The following NRXN3 variants were observed in gnomAD, a reference collection of about 807,000 sequenced individuals.
NRXN3 encodes neurexin III.
NRXN3 carries 32 observed loss-of-function variants against 137.6 expected under a neutral mutation model. The observed-to-expected ratio is 0.23, with a 90% CI of 0.18 to 0.31. The LOEUF (loss-of-function observed/expected upper bound fraction) is 0.31, where lower values mean the gene tolerates loss of function less well. NRXN3 is among the 10% of genes least tolerant of loss of function. The pLI is 1.00. For synonymous variants in NRXN3, 798 were observed against 784.5 expected (o/e 1.02, Z -0.29); for missense variants, 1,574 against 2,062.5 (o/e 0.76, Z 4.59).
chr14:78,728,265 T>C (rs2098496629), intron 8 of NRXN3, among the ~76,000 whole-genome samples: 1 of 152,228 alleles, frequency 6.6e-6, no homozygotes, highest in Non-Finnish European at 1.5e-5. Flanking sequence ...CGTCCCTTTA[T>C]TTATTGCAAA....
At position 79,469,688 on chromosome 14, in the gene NRXN3, T is replaced by G. The variant is rs375190103; in HGVS notation, c.3444+2286T>G. Among the ~76,000 whole-genome samples the G allele has an allele frequency of 1.9e-3, 290 of 152,274 alleles. 1 individual carries two copies. The highest frequency in any genetic ancestry group is 6.2e-3 in the African/African-American group (259 of 41,556). On this transcript the variant is annotated intron_variant, in intron 16 of 20. Transcript: ENST00000335750. ...TTCCTCCAAATCTTAGATTAGGAAA[T>G]GATGTCACCTGACCCTTTCAGAAAA...
At position 78,665,828 on chromosome 14, in the gene NRXN3, G is replaced by A. The variant is rs78123228; in HGVS notation, c.1221+14502G>A. ...GGTGGTGAGAGGAAAGAAATATCTA[G>A]GGCTGGATATGTTGCTTTTCTGAAA... On this transcript the variant is annotated intron_variant, in intron 6 of 20. Coordinates refer to ENST00000335750, the MANE Select transcript of NRXN3 (RefSeq NM_001330195.2). Among the ~76,000 whole-genome samples, 1,122 of 152,282 alleles carry A rather than the reference G, an allele frequency of 7.4e-3. 6 individuals are homozygous for A. The highest frequency in any genetic ancestry group is 0.011 in the Non-Finnish European group (719 of 68,016).
chr14:79,405,951 A>G (rs929753298), intron 15 of NRXN3, among the ~76,000 whole-genome samples: 7 of 152,208 alleles, frequency 4.6e-5, no homozygotes, highest in African/African-American at 1.7e-4. Flanking sequence ...CAGCCATTCA[A>G]CAAGTATTTA....
At chr14:79,800,773 C>A (rs951709658) in intron 19 of NRXN3, among the ~76,000 whole-genome samples, 3 of 152,164 alleles carry the variant, frequency 2.0e-5, no homozygotes, top group Non-Finnish European at 4.4e-5. Context: ...GCCAAAACAA[C>A]AACAACAACA....
At chr14:78,542,132 G>A (rs1475952669) in intron 4 of NRXN3, among the ~76,000 whole-genome samples, 1 of 152,192 alleles carries the variant, frequency 6.6e-6, no homozygotes, top group African/African-American at 2.4e-5. Flanking sequence ...GGGGGTCAGG[G>A]ACCAACTTGA....
intron 20 of NRXN3, among the ~76,000 whole-genome samples, chr14:79,817,250 A>T (rs186948212): frequency 1.4e-4 from 22 of 152,170 alleles, no homozygotes; most frequent in Admixed American, 5.9e-4. Flanking sequence ...ACGGGGTTTT[A>T]CCATGTTGGC....
intron 4 of NRXN3, among the ~76,000 whole-genome samples, chr14:78,448,223 A>G (rs190869471): frequency 6.1e-4 from 92 of 152,056 alleles, no homozygotes; most frequent in South Asian, 1.5e-3. Flanking sequence ...ACTTTCCTAA[A>G]TAGATTATAA....
chr14:79,009,535 A>G (rs1339808419), intron 15 of NRXN3, among the ~76,000 whole-genome samples: 1 of 152,014 alleles, frequency 6.6e-6, no homozygotes, highest in South Asian at 2.1e-4. Context: ...GTCTATAGGG[A>G]GGTGCTGTGG....
chr14:78,838,001 T>C (rs1338295243), intron 10 of NRXN3, among the ~76,000 whole-genome samples: 2 of 152,188 alleles, frequency 1.3e-5, no homozygotes, highest in African/African-American at 4.8e-5. Context: ...ATTTTACCTA[T>C]AAATGAGATA....
rs140997263 is a variant in NRXN3 at position 79,486,359 on chromosome 14, T to G, written c.3444+18957T>G. Among the ~76,000 whole-genome samples, 447 of 152,308 alleles carry G rather than the reference T, an allele frequency of 2.9e-3. 3 individuals are homozygous for G. The highest frequency in any genetic ancestry group is 0.01 in the African/African-American group (424 of 41,558). On this transcript the variant is annotated intron_variant, in intron 16 of 20. Transcript: ENST00000335750. Reference sequence around the variant, plus strand: ...TAGAATACACACATTGCTTATATTATCACACATACAGAAACATCAGGCATT... The same window carrying G: ...TAGAATACACACATTGCTTATATTAGCACACATACAGAAACATCAGGCATT...
At chr14:79,746,441 C>G (rs1446446049) in intron 19 of NRXN3, among the ~76,000 whole-genome samples, 1 of 152,038 alleles carries the variant, frequency 6.6e-6, no homozygotes, top group East Asian at 1.9e-4. Flanking sequence ...TCTCATCTAC[C>G]CATAACAAGT....
chr14:79,797,620 G>T (rs2099164861), intron 19 of NRXN3, among the ~76,000 whole-genome samples: 1 of 152,100 alleles, frequency 6.6e-6, no homozygotes, highest in Non-Finnish European at 1.5e-5. Flanking sequence ...CTATAAATGG[G>T]ATGTTTAATC....
chr14:78,660,531 G>T (rs187501462), intron 6 of NRXN3, among the ~76,000 whole-genome samples: 1 of 152,076 alleles, frequency 6.6e-6, no homozygotes, highest in Non-Finnish European at 1.5e-5. Flanking sequence ...TCTATATGTT[G>T]TAGGGAAACA....
At chr14:79,303,029 C>T (rs576444313) in intron 15 of NRXN3, among the ~76,000 whole-genome samples, 2 of 152,052 alleles carry the variant, frequency 1.3e-5, no homozygotes, top group South Asian at 4.2e-4. Context: ...CAAACCGTAT[C>T]AACAGGGAAC....
chr14:79,418,437 C>T (rs2574751), intron 15 of NRXN3, among the ~76,000 whole-genome samples: 9 of 152,022 alleles, frequency 5.9e-5, no homozygotes, highest in East Asian at 5.8e-4. Flanking sequence ...AATTTTAAGG[C>T]GTTAAAACCA....
rs187021151 is a variant in NRXN3 at position 78,205,454 on chromosome 14, C to T, written c.-704+34780C>T. On this transcript the variant is annotated intron_variant, in intron 1 of 20. Transcript: ENST00000335750. ...CTTGGATGTTGTTGAAGTACTTACA[C>T]TTTGCTTGGGTAGAGTTTGCATGAA... 1.1e-3 allele frequency among the ~76,000 whole-genome samples: 160 copies of T among 152,348 alleles called. 1 individual carries two copies. The highest frequency in any genetic ancestry group is 3.7e-3 in the African/African-American group (153 of 41,582).
chr14:78,473,569 G>A (rs1226572738), intron 4 of NRXN3, among the ~76,000 whole-genome samples: 1 of 152,160 alleles, frequency 6.6e-6, no homozygotes, highest in Non-Finnish European at 1.5e-5. Flanking sequence ...ATTAAACTAG[G>A]TGTATAAGCT....
chr14:78,963,172 T>TG (rs1404522944), intron 11 of NRXN3, among the ~76,000 whole-genome samples: 96 of 151,996 alleles, frequency 6.3e-4, no homozygotes, highest in Non-Finnish European at 8.8e-5. Context: ...AAACACTTTT[T>TG]TTTTTGCTAT....
At chr14:79,756,521 G>T (rs538784006) in intron 19 of NRXN3, among the ~76,000 whole-genome samples, 152 of 152,154 alleles carry the variant, frequency 1.0e-3, no homozygotes, top group African/African-American at 3.5e-3. Context: ...TGAAAAATGT[G>T]CTCTTCTTTT....
Sources: gnomAD v4.1 joint callset for allele counts (sites outside exome capture counted in the v4.1 genomes callset) on GRCh38, gnomAD v4.1.1 for gene constraint, MANE v1.5 for transcripts, NCBI Gene and HGNC (gene_info 2026-07-23, HGNC 2026-07-21) for gene names.